DNAH14: variants seen among roughly 807,000 people sequenced by gnomAD.
DNAH14 encodes dynein axonemal heavy chain 14.
In DNAH14, 478 loss-of-function variants were observed where a neutral mutation model predicts 520.9. The observed-to-expected ratio is 0.92, with a 90% CI of 0.85 to 0.99. The LOEUF (loss-of-function observed/expected upper bound fraction) is 0.99, where lower values mean the gene tolerates loss of function less well. Among genes scored for constraint, DNAH14 ranks in the 50% least tolerant of loss-of-function variants. The probability of loss-of-function intolerance (pLI) is 0.00; values close to 1 mark genes in which losing one functional copy is unlikely to be tolerated. For synonymous variants in DNAH14, 1,581 were observed against 1,757.2 expected (o/e 0.90, Z 2.51); for missense variants, 4,831 against 5,234.5 (o/e 0.92, Z 2.38).
At chr1:225,218,202 CAT>C (rs2089632764) in intron 41 of DNAH14, among the ~76,000 whole-genome samples, 1 of 152,184 alleles carries the variant, frequency 6.6e-6, no homozygotes, top group East Asian at 1.9e-4. Context: ...ACTCCAAAAA[CAT>C]ACCAAATTGT....
intron 23 of DNAH14, among the ~76,000 whole-genome samples, chr1:225,108,819 G>A (rs910541476): frequency 2.6e-5 from 4 of 152,120 alleles, no homozygotes; most frequent in East Asian, 3.8e-4. Flanking sequence ...TTTCCACAGC[G>A]TTTTCTTTTA....
chr1:225,250,757 T>G (rs115291347), intron 43 of DNAH14: 296 of 483,858 alleles, frequency 6.1e-4, no homozygotes, highest in Non-Finnish European at 7.5e-4. Flanking sequence ...CAAAGCAGTG[T>G]AAATGGGCTT....
intron 27 of DNAH14, among the ~76,000 whole-genome samples, chr1:225,127,997 G>A (rs2077942109): frequency 6.6e-6 from 1 of 152,056 alleles, no homozygotes; most frequent in African/African-American, 2.4e-5. Flanking sequence ...TGAAATTCTA[G>A]GTTGAAAATT....
At chr1:225,337,945 ACTAGGT>A in intron 67 of DNAH14, 110 bp from the exon 68 acceptor site, 4 of 990,774 alleles carry the variant, frequency 4.0e-6, no homozygotes, top group Non-Finnish European at 2.9e-6. Context: ...ACTATGAAAT[ACTAGGT>A]CTTATTCATT....
chr1:225,044,130 C>T (rs1034405750), intron 15 of DNAH14, 147 bp downstream of exon 15: 2 of 541,306 alleles, frequency 3.7e-6, no homozygotes, highest in Admixed American at 3.7e-5. Flanking sequence ...GGATCAAACA[C>T]TGAATTTGGA....
intron 37 of DNAH14, among the ~76,000 whole-genome samples, chr1:225,189,197 G>C (rs1278211857): frequency 6.6e-6 from 1 of 151,580 alleles, no homozygotes; most frequent in African/African-American, 2.4e-5. Flanking sequence ...CCTGGTCATG[G>C]TGCATGACCA....
chr1:225,060,420 T>G (rs1440399592), intron 17 of DNAH14, among the ~76,000 whole-genome samples: 5 of 152,128 alleles, frequency 3.3e-5, no homozygotes, highest in Non-Finnish European at 7.4e-5. Context: ...TTTGTCTAAT[T>G]TTTTTTCAAG....
intron 32 of DNAH14, among the ~76,000 whole-genome samples, chr1:225,152,370 G>A (rs1418386051): frequency 6.6e-6 from 1 of 152,316 alleles, no homozygotes; most frequent in Non-Finnish European, 1.5e-5. Context: ...AAAAGCTGAT[G>A]AGAGTGGCAG....
intron 65 of DNAH14, among the ~76,000 whole-genome samples, chr1:225,332,673 A>C (rs2094824557): frequency 6.6e-6 from 1 of 152,060 alleles, no homozygotes; most frequent in African/African-American, 2.4e-5. Flanking sequence ...TATTAATAGT[A>C]TATTATAATA....
intron 8 of DNAH14, among the ~76,000 whole-genome samples, chr1:225,001,639 G>A (rs2063782577): frequency 6.6e-6 from 1 of 151,856 alleles, no homozygotes. Flanking sequence ...GTTGAAATAT[G>A]CAAACCAAAA....
intron 81 of DNAH14, among the ~76,000 whole-genome samples, chr1:225,381,807 C>T (rs2095787007): frequency 6.6e-6 from 1 of 152,208 alleles, no homozygotes; most frequent in South Asian, 2.1e-4. Context: ...TGTATGTGAA[C>T]TATGTATCAT....
At chr1:225,085,849 ATC>A in intron 21 of DNAH14, 60 bp downstream of exon 21, 2 of 1,450,266 alleles carry the variant, frequency 1.4e-6, no homozygotes, top group Non-Finnish European at 1.8e-6. Context: ...TATTATTTCA[ATC>A]TTTTGCGGTC....
intron 77 of DNAH14, among the ~76,000 whole-genome samples, chr1:225,373,923 C>T (rs2095652135): frequency 6.6e-6 from 1 of 150,848 alleles, no homozygotes; most frequent in Non-Finnish European, 1.5e-5. Flanking sequence ...CGCAGGAGTT[C>T]CAGACCAGCC....
chr1:225,049,455 T>C (rs897104696), intron 15 of DNAH14, among the ~76,000 whole-genome samples: 15 of 152,162 alleles, frequency 9.9e-5, no homozygotes, highest in Non-Finnish European at 4.4e-5. Flanking sequence ...ATCATACATA[T>C]GACTTGCAAA....
At chr1:225,329,817 A>C (rs1266729916) in intron 64 of DNAH14, among the ~76,000 whole-genome samples, 2 of 152,292 alleles carry the variant, frequency 1.3e-5, no homozygotes, top group East Asian at 3.9e-4. Context: ...ACATCAAGTT[A>C]AAAAGCTTCT....
rs953730570 is a variant in DNAH14 at position 225,271,929 on chromosome 1, C to A, written c.7695C>A (p.Ser2565=). 1 of 1,542,162 alleles carries A rather than the reference C, an allele frequency of 6.5e-7. No homozygotes were observed. The highest frequency in any genetic ancestry group is 1.4e-5 in the African/African-American group (1 of 72,534). The part of the protein sequence containing the change: ...IFQAHLGIYF[S]INNFTPEVQK... ...AGGCTCATTTGGGAATTTATTTCTCCATCAATAACTTCACACCTGAAGTTC... is the reference window on the plus strand; with the variant it reads ...AGGCTCATTTGGGAATTTATTTCTCAATCAATAACTTCACACCTGAAGTTC... Residue 2565 remains serine, a synonymous_variant, in exon 51 of 86, where the codon TCC becomes TCA. Coordinates refer to ENST00000682510, the MANE Select transcript of DNAH14 (RefSeq NM_001367479.1).
rs531087577 is a variant in DNAH14 at position 225,303,197 on chromosome 1, T to C, written c.8673T>C (p.Pro2891=). 3 of 1,529,698 alleles carry C rather than the reference T, an allele frequency of 2.0e-6. No homozygotes were observed. The highest frequency in any genetic ancestry group is 4.9e-5 in the East Asian group (2 of 40,716). The allele number at this position is 1,529,698 out of a possible 1,614,324, so 94.8% of individuals were successfully genotyped here. A position where few individuals can be genotyped will look rare whatever the true frequency, so the allele number is the denominator to read the frequency against. The change falls in exon 57 of 86, where the codon CCT becomes CCC. Residue 2891 remains proline (P), a synonymous_variant. Coordinates refer to ENST00000682510, the MANE Select transcript of DNAH14 (RefSeq NM_001367479.1). ...KNLHIFVIMS[P]EGPSFRQNCR... ...TTCATATTTTTGTGATCATGAGTCC[T>C]GAAGGACCTAGCTTCCGCCAAAATT...
chr1:225,234,005 T>C (rs1014126401), intron 42 of DNAH14, among the ~76,000 whole-genome samples: 3 of 152,214 alleles, frequency 2.0e-5, no homozygotes, highest in Admixed American at 6.5e-5. Context: ...TTTCTGCATA[T>C]GGCTAGCCAA....
Position 224,955,094 on chromosome 1 carries a change from A to G in DNAH14, c.213A>G (p.Thr71=). 1 of 1,609,000 alleles carries G rather than the reference A, an allele frequency of 6.2e-7. No individual in the cohort carries two copies. The highest frequency in any genetic ancestry group is 8.5e-7 in the Non-Finnish European group (1 of 1,177,844). ...CTGAATCTTTGAAGTCAGAGAAAAC[A>G]GAAGGTATTTATCAAGATTACTATT... is the stretch of plus-strand genomic sequence containing the variant. ...TFSESLKSEK[T]EDYLRESIIQ... Residue 71 remains threonine, a synonymous_variant, in exon 3 of 86, where the codon ACA becomes ACG. Transcript: ENST00000682510.
Sources: allele counts gnomAD v4.1 joint callset (sites outside exome capture counted in the v4.1 genomes callset), GRCh38; gene constraint gnomAD v4.1.1; transcripts MANE v1.5; gene names NCBI Gene and HGNC (gene_info 2026-07-23, HGNC 2026-07-21).